The following PKD1 variants were observed in gnomAD, a reference collection of about 807,000 sequenced individuals.
The protein encoded by PKD1 is polycystin-1.
PKD1 carries 81 observed loss-of-function variants against 361.7 expected under a neutral mutation model. The observed-to-expected ratio is 0.22, with a 90% CI of 0.19 to 0.27. The LOEUF is 0.27. Among genes scored for constraint, PKD1 ranks in the 10% least tolerant of loss-of-function variants. The pLI, the probability that PKD1 is intolerant of heterozygous loss-of-function variation, is 1.00. For synonymous variants in PKD1, 3,615 were observed against 2,818.3 expected, an observed-to-expected ratio of 1.28 and a Z score of -8.95; for missense variants, 6,399 against 6,118.3, an observed-to-expected ratio of 1.05 and a Z score of -1.53.
rs764840802 is a variant in PKD1 at position 2,105,417 on chromosome 16, G to C, written c.7921C>G (p.Gln2641Glu). 3 of 1,584,844 alleles carry C rather than the reference G, an allele frequency of 1.9e-6. No individual in the cohort carries two copies. The highest frequency in any genetic ancestry group is 1.1e-5 in the South Asian group (1 of 90,956). Residue 2641 changes from glutamine to glutamate, a missense_variant, in exon 21 of 46, where the codon CAG becomes GAG. Physicochemically the swap from Gln to Glu is conservative, Grantham distance 29 (BLOSUM62 2). Transcript: ENST00000262304. ...GTCTCCGTGATGTTCTTGCGTATCT[G>C]GGCTCGGTGCTGCCGCTCGTGCTTG... Reference protein sequence around the residue: ...EPKHERQHRAQIRKNITETLV... With the variant: ...EPKHERQHRAEIRKNITETLV...
intron 34 of PKD1, among the ~76,000 whole-genome samples, chr16:2,096,392 TGGGA>T (rs2091848345): frequency 6.6e-6 from 1 of 152,244 alleles, no homozygotes; most frequent in Admixed American, 6.5e-5. Context: ...GTCACACGCG[TGGGA>T]ACACGCCGTG....
intron 11 of PKD1, 53 bp from the exon 12 acceptor site, chr16:2,113,345 C>T: frequency 1.3e-6 from 2 of 1,582,582 alleles, no homozygotes; most frequent in East Asian, 4.5e-5. Context: ...TGCCCTTAGC[C>T]TGTCGCCTCC....
At chr16:2,093,410 A>C in intron 37 of PKD1, 134 bp downstream of exon 37, 1 of 881,958 alleles carries the variant, frequency 1.1e-6, no homozygotes, top group Non-Finnish European at 1.7e-6. Flanking sequence ...AGACCGGGCA[A>C]AGGCTGCAGA....
chr16:2,133,542 C>T (rs1196485211), intron 1 of PKD1, among the ~76,000 whole-genome samples: 4 of 151,162 alleles, frequency 2.6e-5, no homozygotes, highest in African/African-American at 4.9e-5. Context: ...GCCGTCTCCC[C>T]GAGGAGGAGT....
chr16:2,105,387 C>G lies in PKD1; in HGVS notation c.7951G>C (p.Val2651Leu), dbSNP rs1348393055. The G allele has an allele frequency of 1.9e-6, 3 of 1,586,702 alleles. No homozygotes were observed. The highest frequency in any genetic ancestry group is 1.7e-6 in the Non-Finnish European group (2 of 1,172,600). ...TCCACAGTGTGGACCCTCAGGGACA[C>G]CAGAGTCTCCGTGATGTTCTTGCGT... ...QIRKNITETL[V>L]SLRVHTVDDI... The change falls in exon 21 of 46, where the codon GTG becomes CTG. Residue 2651 changes from valine (V) to leucine (L), a missense_variant. By Grantham distance (32) the Val-to-Leu change is conservative. Transcript: ENST00000262304.
intron 1 of PKD1, among the ~76,000 whole-genome samples, chr16:2,132,585 A>G (rs2092899509): frequency 6.9e-6 from 1 of 144,818 alleles, no homozygotes; most frequent in African/African-American, 2.7e-5. Context: ...AAAAAAAAAA[A>G]AAAAAAGAAA....
chr16:2,097,776 G>A lies in PKD1; in HGVS notation c.10172C>T (p.Ala3391Val), dbSNP rs139324800. Residue 3391 changes from alanine (A) to valine (V), a missense_variant, in exon 32 of 46, where the codon GCC (alanine) becomes GTC (valine). By Grantham distance (64) the Ala-to-Val change is moderately conservative. Transcript: ENST00000262304. The stretch of plus-strand genomic sequence containing the variant: ...GTCACTCTTCATCTGTCCAACAAAG[G>A]CCTGCTGAGAGGTGCACAGTGTCTT... ...LTFSGLHAEQ[A>V]FVGQMKSDLF... 172 of 1,611,426 alleles carry A rather than the reference G, an allele frequency of 1.1e-4. No homozygotes were observed. In the African/African-American group the frequency reaches 1.8e-3, roughly 16 times the overall value.
intron 10 of PKD1, 137 bp from the exon 11 acceptor site, chr16:2,115,062 G>C (rs1163480304): frequency 6.7e-7 from 1 of 1,494,554 alleles, no homozygotes; most frequent in Non-Finnish European, 8.9e-7. Flanking sequence ...CAGTGCTCGT[G>C]ACAAGGACAG....
chr16:2,132,589 A>AG (rs1251920986), intron 1 of PKD1, among the ~76,000 whole-genome samples: 1 of 145,240 alleles, frequency 6.9e-6, no homozygotes, highest in African/African-American at 2.7e-5. Context: ...AAAAAAAAAA[A>AG]AAGAAAAAAA....
chr16:2,113,860 C>T lies in PKD1; in HGVS notation c.2853+310G>A, dbSNP rs1333992790. On this transcript the variant is annotated intron_variant, in intron 11 of 45. Transcript: ENST00000262304. ...TCAAAAGCCACTCGCTTTAGCCAGGCGAGAACACAGCAGAGGGCGTGAGAG... is the reference window on the plus strand; with the variant it reads ...TCAAAAGCCACTCGCTTTAGCCAGGTGAGAACACAGCAGAGGGCGTGAGAG... 28 of 482,852 alleles carry T rather than the reference C, an allele frequency of 5.8e-5. No homozygotes were observed. The East Asian group carries it at 6.1e-4, about 11-fold the overall frequency. The allele number at this position is 482,852 out of a possible 1,614,324, so 29.9% of individuals were successfully genotyped here. A position where few individuals can be genotyped will look rare whatever the true frequency, so the allele number is the denominator to read the frequency against.
In PKD1 at chr16:2,115,513, C is replaced by T; in HGVS notation, c.1962G>A (p.Leu654=). 3 of 1,599,156 alleles carry T rather than the reference C, an allele frequency of 1.9e-6. No individual in the cohort carries two copies. The highest frequency in any genetic ancestry group is 2.6e-6 in the Non-Finnish European group (3 of 1,173,764). ...GRWCPGANIC[L]PLDASCHPQA... is the part of the protein sequence containing the mutation. ...GGGGGTGGCAGGAGGCGTCCAGCGGCAAGCAGATGTTGGCTCCAGGGCACC... is the reference window on the plus strand; with the variant it reads ...GGGGGTGGCAGGAGGCGTCCAGCGGTAAGCAGATGTTGGCTCCAGGGCACC... Residue 654 remains leucine (L), a synonymous_variant, in exon 10 of 46, where the codon TTG becomes TTA. Transcript: ENST00000262304.
chr16:2,088,866 C>T lies in PKD1; in HGVS notation c.*861G>A, dbSNP rs78282474. On this transcript the variant is annotated 3_prime_UTR_variant, in exon 46 of 46. Transcript: ENST00000262304. ...GGCTGCCTGGGCCATACAGCACACT[C>T]GCGCGTGCGCGCGCGCACACACACA... 3,909 of 505,202 alleles carry T rather than the reference C, an allele frequency of 7.7e-3. 139 individuals carry two copies. In the African/African-American group the frequency reaches 0.091, roughly 12 times the overall value. 31.3% of individuals were successfully genotyped at this position (505,202 alleles called of 1,614,324 possible). A position where few individuals can be genotyped will look rare whatever the true frequency, so the allele number is the denominator to read the frequency against.
Position 2,108,737 on chromosome 16 carries a change from G to C in PKD1, c.6430C>G (p.Leu2144Val), listed in dbSNP as rs2092424956. 5 of 1,572,266 alleles carry C rather than the reference G, an allele frequency of 3.2e-6. No individual in the cohort carries two copies. Among genetic ancestry groups the C allele is most frequent in the South Asian group, 1.2e-5 (1 of 86,406 alleles). The change falls in exon 15 of 46, where the codon CTG (leucine) becomes GTG (valine). Residue 2144 changes from leucine (L) to valine (V), a missense_variant. By Grantham distance (32) the Leu-to-Val change is conservative (BLOSUM62 1). Transcript: ENST00000262304. Reference protein sequence around the residue: ...VAQATVTVQVLACREPEVDVV... With the variant: ...VAQATVTVQVVACREPEVDVV... Reference sequence around the variant, plus strand: ...TCCACCTCCGGCTCCCGGCAGGCCAGCACCTGGACGGTCACCGTGGCCTGC... The same window carrying C: ...TCCACCTCCGGCTCCCGGCAGGCCACCACCTGGACGGTCACCGTGGCCTGC...
In PKD1 at chr16:2,114,217, G is replaced by A. The variant is rs1085307552; in HGVS notation, c.2806C>T (p.Arg936Cys). The A allele has an allele frequency of 2.5e-5, 40 of 1,609,602 alleles. No homozygotes were observed. Among genetic ancestry groups the A allele is most frequent in the Non-Finnish European group, 3.0e-5 (35 of 1,179,290 alleles). Residue 936 changes from arginine (R) to cysteine (C), a missense_variant, in exon 11 of 46, where the codon CGC (arginine) becomes TGC (cysteine). Transcript: ENST00000262304. Reference sequence around the variant, plus strand: ...CGGGCCTCGGGGCTGGGCGTGGCGCGGAGGCCACAGATGGGCTCCTCCGCC... The same window carrying A: ...CGGGCCTCGGGGCTGGGCGTGGCGCAGAGGCCACAGATGGGCTCCTCCGCC... ...VTAEEPICGL[R>C]ATPSPEARVL... is the part of the protein sequence containing the mutation.
Position 2,103,801 on chromosome 16 carries a change from G to A in PKD1, c.8256C>T (p.Ala2752=), listed in dbSNP as rs768841165. The part of the protein sequence containing the change: ...ESPSRMVASQ[A]YNLTSALMRI... ...GCATGAGGGCAGAGGTCAGGTTGTA[G>A]GCCTGGGACGCCACCATCCGAGATG... Residue 2752 remains alanine, a synonymous_variant, in exon 23 of 46, where the codon GCC becomes GCT. Coordinates refer to ENST00000262304, the MANE Select transcript of PKD1 (RefSeq NM_001009944.3). 3.7e-6 allele frequency: 6 copies of A among 1,609,486 alleles called. No individual in the cohort carries two copies. The highest frequency in any genetic ancestry group is 5.1e-6 in the Non-Finnish European group (6 of 1,179,496).
Position 2,100,529 on chromosome 16 carries a change from C to T in PKD1, c.9435G>A (p.Val3145=). 5.0e-6 allele frequency: 8 copies of T among 1,610,504 alleles called. No homozygotes were observed. The highest frequency in any genetic ancestry group is 6.8e-6 in the Non-Finnish European group (8 of 1,179,610). Reference sequence around the variant, plus strand: ...GGTGCCGGTGGCCGCTCCGGCTGTCCACCCCATACAGCATGATGCCCACGT... The same window carrying T: ...GGTGCCGGTGGCCGCTCCGGCTGTCTACCCCATACAGCATGATGCCCACGT... ...TAHVGIMLYG[V]DSRSGHRHLD... is the part of the protein sequence containing the mutation. The change falls in exon 27 of 46, where the codon GTG becomes GTA. Residue 3145 remains valine (V), a synonymous_variant. Coordinates refer to ENST00000262304, the MANE Select transcript of PKD1 (RefSeq NM_001009944.3). This position sits in a 1 kb window ranked among gnomAD's most constrained non-coding sequence, Gnocchi z 4.4.
intron 1 of PKD1, among the ~76,000 whole-genome samples, chr16:2,129,866 C>G (rs2092847644): frequency 6.6e-6 from 1 of 151,740 alleles, no homozygotes; most frequent in Non-Finnish European, 1.5e-5. Context: ...AACGGGGTCC[C>G]TGTCTGTTGT....
Position 2,116,704 on chromosome 16 carries a change from G to A in PKD1, c.1607-60C>T, listed in dbSNP as rs1476074637. 2.5e-6 allele frequency: 3 copies of A among 1,217,256 alleles called. No individual in the cohort carries two copies. In the African/African-American group the frequency reaches 4.5e-5, roughly 18 times the overall value. 75.4% of individuals were successfully genotyped at this position (1,217,256 alleles called of 1,614,324 possible). A position where few individuals can be genotyped will look rare whatever the true frequency, so the allele number is the denominator to read the frequency against. ...AGGGCCCAGGACACCAGGACGAACAGACTGGGGACCGAGCCGCCCGAAAAC... is the reference window on the plus strand; with the variant it reads ...AGGGCCCAGGACACCAGGACGAACAAACTGGGGACCGAGCCGCCCGAAAAC... On this transcript the variant is annotated intron_variant, in intron 7 of 45. Coordinates refer to ENST00000262304, the MANE Select transcript of PKD1 (RefSeq NM_001009944.3).
At position 2,090,791 on chromosome 16, in the gene PKD1, G is replaced by A. The variant is rs575718127; in HGVS notation, c.12021C>T (p.Arg4007=). Residue 4007 remains arginine, a synonymous_variant, in exon 44 of 46, where the codon CGC becomes CGT. Coordinates refer to ENST00000262304, the MANE Select transcript of PKD1 (RefSeq NM_001009944.3). The part of the protein sequence containing the change: ...LLLVKAAQQL[R]FVRQWSVFGK... The stretch of plus-strand genomic sequence containing the variant: ...CAAAGACGGACCACTGGCGCACGAA[G>A]CGTAGCTGCTGGGCAGCCTGCGGAC... 20 of 1,612,556 alleles carry A rather than the reference G, an allele frequency of 1.2e-5. No individual in the cohort carries two copies. The Admixed American group carries it at 1.7e-4, about 13-fold the overall frequency.
Sources: allele counts gnomAD v4.1 joint callset (sites outside exome capture counted in the v4.1 genomes callset), GRCh38; gene constraint gnomAD v4.1.1; non-coding constraint Gnocchi (gnomAD v3.1); transcripts MANE v1.5; gene names NCBI Gene and HGNC (gene_info 2026-07-23, HGNC 2026-07-21).